PUM3: variants seen among roughly 807,000 people sequenced by gnomAD.
PUM3 encodes pumilio homolog 3.
A neutral mutation model predicts 84.0 loss-of-function variants in PUM3; 91 were observed. The observed-to-expected ratio is 1.08, with a 90% confidence interval of 0.91 to 1.29. The LOEUF (loss-of-function observed/expected upper bound fraction) is 1.29. Ranked by LOEUF, PUM3 falls within the 50% of genes most tolerant of loss-of-function variation. PUM3 has a pLI of 0.00. For synonymous variants in PUM3, 321 were observed against 266.7 expected (o/e 1.20, Z -1.98); for missense variants, 1,067 against 767.5 (o/e 1.39, Z -4.61).
In PUM3 at chr9:2,827,141, T is replaced by C. The variant is rs777443004; in HGVS notation, c.967A>G (p.Ile323Val). The C allele has an allele frequency of 6.2e-7, 1 of 1,608,090 alleles. No homozygotes were observed. The highest frequency in any genetic ancestry group is 8.5e-7 in the Non-Finnish European group (1 of 1,177,718). Residue 323 changes from isoleucine to valine, a missense_variant, in exon 10 of 18, where the codon ATT becomes GTT. Coordinates refer to ENST00000397885, the MANE Select transcript of PUM3 (RefSeq NM_014878.5). ...ACTTTATGCACCAATGAGTGCTTAATCACAGCTTCCCTGAAAACAGAAAAA... is the reference window on the plus strand; with the variant it reads ...ACTTTATGCACCAATGAGTGCTTAACCACAGCTTCCCTGAAAACAGAAAAA... ...LTPMAQKEAV[I>V]KHSLVHKVFL... is the part of the protein sequence containing the mutation.
rs372347055 is a variant in PUM3 at position 2,810,413 on chromosome 9, G to C, written c.1654C>G (p.Pro552Ala). Residue 552 changes from proline to alanine, a missense_variant, in exon 16 of 18, where the codon CCT (proline) becomes GCT (alanine). Coordinates refer to ENST00000397885, the MANE Select transcript of PUM3 (RefSeq NM_014878.5). The stretch of plus-strand genomic sequence containing the variant: ...CACTTCAGAACTAGATGTCCTGCAG[G>C]ATGTTCTGCAATGTGAAGCTATGAA... ...KDGELHIAEH[P>A]AGHLVLKWLI... 28 of 1,609,750 alleles carry C rather than the reference G, an allele frequency of 1.7e-5. No homozygotes were observed. The highest frequency in any genetic ancestry group is 2.2e-5 in the Non-Finnish European group (26 of 1,177,792).
intron 16 of PUM3, among the ~76,000 whole-genome samples, chr9:2,810,035 G>T (rs966214515): frequency 6.6e-6 from 1 of 150,548 alleles, no homozygotes; most frequent in Non-Finnish European, 1.5e-5. Context: ...GGCATTTTAA[G>T]GCATTGACCA....
intron 13 of PUM3, among the ~76,000 whole-genome samples, chr9:2,816,642 G>C (rs1821475296): frequency 6.6e-6 from 1 of 152,136 alleles, no homozygotes; most frequent in Non-Finnish European, 1.5e-5. Flanking sequence ...ATTTCCTACA[G>C]TCCCTCCCAC....
rs1815977146 is a variant in PUM3 at position 2,831,436 on chromosome 9, A to G, written c.517-92T>C. ...GACCTCTTCTGGAATTTCTTGTTAG[A>G]AAAAAAGGTAGTCTTCATGAATAAA... is the stretch of plus-strand genomic sequence containing the variant. On this transcript the variant is annotated intron_variant, in intron 5 of 17. Coordinates refer to ENST00000397885, the MANE Select transcript of PUM3 (RefSeq NM_014878.5). 5.1e-6 allele frequency: 4 copies of G among 788,674 alleles called. No homozygotes were observed. In the South Asian group the frequency reaches 6.3e-5, roughly 12 times the overall value. 48.9% of individuals were successfully genotyped at this position (788,674 alleles called of 1,614,324 possible).
At chr9:2,829,409 A>G (rs984682852) in intron 8 of PUM3, among the ~76,000 whole-genome samples, 6 of 152,350 alleles carry the variant, frequency 3.9e-5, no homozygotes, top group Admixed American at 3.9e-4. Flanking sequence ...AGCTAGCAAC[A>G]GAGAGCCCAA....
At chr9:2,807,935 C>G (rs375282545) in intron 16 of PUM3, 31 bp from the exon 17 acceptor site, 2 of 1,386,488 alleles carry the variant, frequency 1.4e-6, no homozygotes, top group Non-Finnish European at 2.1e-6. Context: ...TAGTGAACAT[C>G]ACATAATAAG....
intron 12 of PUM3, among the ~76,000 whole-genome samples, chr9:2,821,091 A>T (rs1242008676): frequency 6.6e-6 from 1 of 152,228 alleles, no homozygotes; most frequent in Non-Finnish European, 1.5e-5. Context: ...CTGTAAAGTC[A>T]AAAAGACAAA....
At chr9:2,837,442 C>T (rs1816158542) in intron 2 of PUM3, 41 bp from the exon 3 acceptor site, 1 of 1,340,360 alleles carries the variant, frequency 7.5e-7, no homozygotes, top group African/African-American at 1.5e-5. Flanking sequence ...ATTCTGGGCC[C>T]AAATCTCTTT....
intron 12 of PUM3, among the ~76,000 whole-genome samples, chr9:2,823,154 C>T (rs1487917111): frequency 2.0e-5 from 3 of 151,854 alleles, no homozygotes; most frequent in African/African-American, 4.8e-5. Flanking sequence ...TACACCATAG[C>T]AACAGCATGA....
rs1184479231 is a variant in PUM3, at chr9:2,837,153, T to A, written c.304+27A>T. ...CTGTGCACAATCGTTCAGGCACTAGTTCAGGCATGAACGAACCAGTACTTA... is the reference window on the plus strand; with the variant it reads ...CTGTGCACAATCGTTCAGGCACTAGATCAGGCATGAACGAACCAGTACTTA... On this transcript the variant is annotated intron_variant, in intron 3 of 17. Coordinates refer to ENST00000397885, the MANE Select transcript of PUM3 (RefSeq NM_014878.5). 5 of 1,583,248 alleles carry A rather than the reference T, an allele frequency of 3.2e-6. No individual in the cohort carries two copies. The African/African-American group carries it at 6.7e-5, about 21-fold the overall frequency.
At position 2,812,247 on chromosome 9, in the gene PUM3, A is replaced by G. The variant is rs1563826269; in HGVS notation, c.1385T>C (p.Leu462Pro). 6.2e-7 allele frequency: 1 copy of G among 1,613,808 alleles called. No individual in the cohort carries two copies. The highest frequency in any genetic ancestry group is 8.5e-7 in the Non-Finnish European group (1 of 1,179,768). The change falls in exon 14 of 18, where the codon CTG becomes CCG. Residue 462 changes from leucine to proline, a missense_variant. Coordinates refer to ENST00000397885, the MANE Select transcript of PUM3 (RefSeq NM_014878.5). ...GTGTGCATTTCCATCTCCTTTTTGCAGAACTTCAATGATTTCTCGTACTGT... is the reference window on the plus strand; with the variant it reads ...GTGTGCATTTCCATCTCCTTTTTGCGGAACTTCAATGATTTCTCGTACTGT... Reference protein sequence around the residue: ...AHTVREIIEVLQKGDGNAHSK... With the variant: ...AHTVREIIEVPQKGDGNAHSK...
rs1816050794 is a variant in PUM3 at position 2,833,885 on chromosome 9, T to C, written c.440+146A>G. ...CTGTGACGGGCAGACTTCCAAGTAC[T>C]GATGTCTCTAATGGGGTGTCATGAG... On this transcript the variant is annotated intron_variant, in intron 4 of 17. Transcript: ENST00000397885. 3 of 692,902 alleles carry C rather than the reference T, an allele frequency of 4.3e-6. No homozygotes were observed. In the South Asian group the frequency reaches 6.7e-5, roughly 15 times the overall value. The allele number at this position is 692,902 out of a possible 1,614,324, so 42.9% of individuals were successfully genotyped here.
intron 13 of PUM3, among the ~76,000 whole-genome samples, chr9:2,813,362 C>T (rs572618432): frequency 1.1e-4 from 16 of 152,182 alleles, no homozygotes; most frequent in Non-Finnish European, 1.9e-4. Context: ...TCTAACACTC[C>T]TATTTCTTGT....
At chr9:2,828,050 A>T (rs1815871124) in intron 9 of PUM3, among the ~76,000 whole-genome samples, 1 of 151,590 alleles carries the variant, frequency 6.6e-6, no homozygotes, top group African/African-American at 2.4e-5. Context: ...ATTTTTTTTT[A>T]TTTTTTTAAA....
chr9:2,818,732 A>G (rs1013304988), intron 13 of PUM3, among the ~76,000 whole-genome samples: 2 of 152,198 alleles, frequency 1.3e-5, no homozygotes, highest in Admixed American at 1.3e-4. Flanking sequence ...CCACAATCCT[A>G]TCCCAAAGAA....
chr9:2,807,606 A>AAAG (rs1157258849), intron 17 of PUM3, among the ~76,000 whole-genome samples: 1 of 150,242 alleles, frequency 6.7e-6, no homozygotes, highest in African/African-American at 2.4e-5. Flanking sequence ...ATCTCAAAAA[A>AAAG]AAAAAAAAAA....
chr9:2,821,996 G>T (rs1815653419), intron 12 of PUM3, among the ~76,000 whole-genome samples: 1 of 152,272 alleles, frequency 6.6e-6, no homozygotes, highest in South Asian at 2.1e-4. Flanking sequence ...TTAAGTGAAG[G>T]AGACAAAATA....
chr9:2,836,924 C>T (rs1314547763), intron 3 of PUM3, among the ~76,000 whole-genome samples: 1 of 152,076 alleles, frequency 6.6e-6, no homozygotes. Flanking sequence ...TATTGAGGTT[C>T]CACTGTATAA....
rs1360315606 is a variant in PUM3, at chr9:2,829,810, C to T, written c.816G>A (p.Thr272=). 13 of 1,613,978 alleles carry T rather than the reference C, an allele frequency of 8.1e-6. No individual in the cohort carries two copies. Among genetic ancestry groups the T allele is most frequent in the Admixed American group, 1.7e-5 (1 of 60,016 alleles). The change falls in exon 8 of 18, where the codon ACG becomes ACA. Residue 272 remains threonine, a synonymous_variant. Coordinates refer to ENST00000397885, the MANE Select transcript of PUM3 (RefSeq NM_014878.5). ...GAAATGTGTTCCCATAGAGCTCTTCCGTCAGCATGTTCCTCTGCTCCAAAA... is the reference window on the plus strand; with the variant it reads ...GAAATGTGTTCCCATAGAGCTCTTCTGTCAGCATGTTCCTCTGCTCCAAAA... ...KAILEQRNML[T]EELYGNTFQL...
Sources: gnomAD v4.1 joint callset for allele counts (sites outside exome capture counted in the v4.1 genomes callset) on GRCh38, gnomAD v4.1.1 for gene constraint, MANE v1.5 for transcripts, NCBI Gene and HGNC (gene_info 2026-07-23, HGNC 2026-07-21) for gene names.